PDE1A: variants seen among roughly 807,000 people sequenced by gnomAD.
The protein encoded by PDE1A is dual specificity calcium/calmodulin-dependent 3',5'-cyclic nucleotide phosphodiesterase 1A.
In PDE1A, 35 loss-of-function variants were observed where a neutral mutation model predicts 61.7. The ratio of observed to expected loss-of-function variants is 0.57; its 90% CI spans 0.43 to 0.75. The LOEUF (loss-of-function observed/expected upper bound fraction) is 0.75. Ranked by LOEUF, PDE1A falls within the 30% of genes least tolerant of loss-of-function variation. The pLI is 0.00. For missense variants in PDE1A, 597 were observed against 630.6 expected (o/e 0.95, Z 0.57); for synonymous variants, 232 against 213.2 (o/e 1.09, Z -0.77).
At chr2:182,673,221 G>T in the PDE1A span, among the ~76,000 whole-genome samples, 1 of 152,188 alleles carries the variant, frequency 6.6e-6, no homozygotes, top group African/African-American at 2.4e-5. Flanking sequence ...GATTGTTTCA[G>T]ATTGATGACT....
At chr2:182,686,891 A>G in the PDE1A span, among the ~76,000 whole-genome samples, 12 of 150,930 alleles carry the variant, frequency 8.0e-5, no homozygotes, top group South Asian at 1.9e-3. Context: ...TATCCCGCGC[A>G]TGGCTTGGAG....
intron 2 of PDE1A, among the ~76,000 whole-genome samples, chr2:182,505,109 G>A (rs11674733): frequency 0.052 from 7,950 of 152,244 alleles, 250 homozygotes; most frequent in Middle Eastern, 0.099. Context: ...ACACACAGCC[G>A]TCTCCACTCA....
intron 1 of PDE1A, among the ~76,000 whole-genome samples, chr2:182,269,621 A>G (rs1042632279): frequency 1.3e-5 from 2 of 152,162 alleles, no homozygotes; most frequent in African/African-American, 2.4e-5. Flanking sequence ...AATTATTTTT[A>G]TAACAAAACT....
At chr2:182,608,183 G>A in the PDE1A span, among the ~76,000 whole-genome samples, 1 of 152,162 alleles carries the variant, frequency 6.6e-6, no homozygotes, top group African/African-American at 2.4e-5. Flanking sequence ...TGGGGGTTGC[G>A]GGGTTATAGA....
At chr2:182,575,636 G>A in the PDE1A span, among the ~76,000 whole-genome samples, 1 of 149,832 alleles carries the variant, frequency 6.7e-6, no homozygotes, top group African/African-American at 2.5e-5. Context: ...ACAATACCAG[G>A]GTCTGCCAGC....
At chr2:182,699,106 C>T in the PDE1A span, among the ~76,000 whole-genome samples, 1 of 152,174 alleles carries the variant, frequency 6.6e-6, no homozygotes, top group African/African-American at 2.4e-5. Context: ...CCCTGTTGAA[C>T]TCAGATCTCT....
chr2:182,426,616 G>A (rs1212543557), exon 1 of PDE1A: 5 of 1,612,336 alleles, frequency 3.1e-6, no homozygotes, highest in Non-Finnish European at 3.4e-6. Flanking sequence ...TCCTGATTGT[G>A]ACATGGTCAT....
intron 1 of PDE1A, among the ~76,000 whole-genome samples, chr2:182,372,891 C>G (rs141125639): frequency 6.6e-6 from 1 of 152,084 alleles, no homozygotes; most frequent in Non-Finnish European, 1.5e-5. Context: ...CAGGCTGGAA[C>G]AAGGCAGCAC....
chr2:182,635,947 A>ATTTTTT, the PDE1A span, among the ~76,000 whole-genome samples: 4 of 55,284 alleles, frequency 7.2e-5, 2 homozygotes, highest in African/African-American at 2.7e-4. Flanking sequence ...TCTCACCGGT[A>ATTTTTT]TTTTTTTTTT....
At chr2:182,655,342 T>G in the PDE1A span, among the ~76,000 whole-genome samples, 1 of 152,182 alleles carries the variant, frequency 6.6e-6, no homozygotes, top group Non-Finnish European at 1.5e-5. Context: ...GGCATTATGA[T>G]GGACTCCAGG....
intron 1 of PDE1A, among the ~76,000 whole-genome samples, chr2:182,336,761 GTATA>G (rs200610428): frequency 1.3e-5 from 1 of 79,516 alleles, no homozygotes; most frequent in Non-Finnish European, 3.4e-5. Flanking sequence ...AGAACTTAAA[GTATA>G]TATATATATA....
At chr2:182,386,402 G>C (rs1701084688) in intron 1 of PDE1A, among the ~76,000 whole-genome samples, 1 of 151,446 alleles carries the variant, frequency 6.6e-6, no homozygotes, top group Non-Finnish European at 1.5e-5. Context: ...GAAGTGAGGA[G>C]TGTCTCTGCC....
At chr2:182,593,539 C>A in the PDE1A span, among the ~76,000 whole-genome samples, 2 of 152,242 alleles carry the variant, frequency 1.3e-5, no homozygotes, top group Admixed American at 6.5e-5. Context: ...ACAGAATAAT[C>A]CCTCCTGATG....
At chr2:182,436,944 C>T (rs1464605834) in intron 2 of PDE1A, among the ~76,000 whole-genome samples, 1 of 151,820 alleles carries the variant, frequency 6.6e-6, no homozygotes, top group East Asian at 1.9e-4. Context: ...CTTGGCCAAC[C>T]ATATTTTTAA....
intron 2 of PDE1A, among the ~76,000 whole-genome samples, chr2:182,502,777 A>C (rs1174838822): frequency 6.6e-6 from 1 of 152,186 alleles, no homozygotes; most frequent in Non-Finnish European, 1.5e-5. Context: ...TCTGACAGCA[A>C]AACCTGACCT....
At chr2:182,275,978 T>C (rs945162825) in intron 1 of PDE1A, among the ~76,000 whole-genome samples, 16 of 152,110 alleles carry the variant, frequency 1.1e-4, no homozygotes, top group Admixed American at 3.9e-4. Flanking sequence ...ACAATTAATT[T>C]CAACACCTTC....
the PDE1A span, among the ~76,000 whole-genome samples, chr2:182,532,733 G>A: frequency 6.6e-6 from 1 of 151,740 alleles, no homozygotes; most frequent in African/African-American, 2.4e-5. Context: ...CGAGGCGGGC[G>A]GATCGACACG....
chr2:182,307,419 C>G (rs763429452), intron 1 of PDE1A, among the ~76,000 whole-genome samples: 1 of 152,182 alleles, frequency 6.6e-6, no homozygotes, highest in Non-Finnish European at 1.5e-5. Flanking sequence ...CTGTCACCCT[C>G]TCTTGCCCTT....
At chr2:182,384,458 A>AAATAATAATAATAATAATAAT (rs112896044) in intron 1 of PDE1A, among the ~76,000 whole-genome samples, 1 of 141,920 alleles carries the variant, frequency 7.0e-6, no homozygotes, top group African/African-American at 2.7e-5. Flanking sequence ...AATAAAGAGA[A>AAATAATAATAATAATAATAAT]AATAATAATA....
Sources: gnomAD v4.1 joint callset for allele counts (sites outside exome capture counted in the v4.1 genomes callset) on GRCh38, gnomAD v4.1.1 for gene constraint, MANE v1.5 for transcripts, NCBI Gene and HGNC (gene_info 2026-07-23, HGNC 2026-07-21) for gene names.